CDIN1: variants seen among roughly 807,000 people sequenced by gnomAD.
CDIN1 encodes the protein CDAN1-interacting nuclease 1.
Under a neutral mutation model 45.3 loss-of-function variants are expected in CDIN1, and 33 were observed. The observed-to-expected ratio is 0.73, with a 90% CI of 0.55 to 0.97. The LOEUF is 0.97. Among genes scored for constraint, CDIN1 ranks in the 50% least tolerant of loss-of-function variants. The probability of loss-of-function intolerance (pLI) is 0.00; values close to 1 mark genes in which losing one functional copy is unlikely to be tolerated. For missense variants in CDIN1, 303 were observed against 339.4 expected (o/e 0.89, Z 0.84); for synonymous variants, 118 against 124.4 (o/e 0.95, Z 0.34).
intron 1 of CDIN1, among the ~76,000 whole-genome samples, chr15:36,638,101 TAA>T (rs2039973655): frequency 6.6e-6 from 1 of 152,182 alleles, no homozygotes; most frequent in Non-Finnish European, 1.5e-5. Context: ...TTATTTCCAA[TAA>T]AAATAATTTT....
At chr15:36,801,328 AT>A (rs1192273896) in intron 10 of CDIN1, among the ~76,000 whole-genome samples, 1 of 152,012 alleles carries the variant, frequency 6.6e-6, no homozygotes, top group Non-Finnish European at 1.5e-5. Context: ...ACCAAAAGAG[AT>A]GTAAAAGCAT....
intron 5 of CDIN1, among the ~76,000 whole-genome samples, chr15:36,658,750 T>C (rs1321492920): frequency 6.6e-6 from 1 of 152,244 alleles, no homozygotes. Flanking sequence ...AGATAATACC[T>C]GCTAAAACAT....
chr15:36,588,186 G>A (rs534325158), intron 1 of CDIN1, among the ~76,000 whole-genome samples: 4 of 152,190 alleles, frequency 2.6e-5, no homozygotes, highest in South Asian at 2.1e-4. Flanking sequence ...ATATTGTATC[G>A]TTAACAGAAA....
At chr15:36,734,306 T>G (rs1377995663) in intron 10 of CDIN1, 1 of 366,214 alleles carries the variant, frequency 2.7e-6, no homozygotes, top group East Asian at 7.5e-5. Flanking sequence ...CATGTACACT[T>G]TGTTCATCCT....
chr15:36,680,930 C>T (rs1312466030), intron 5 of CDIN1, among the ~76,000 whole-genome samples: 1 of 152,122 alleles, frequency 6.6e-6, no homozygotes, highest in Non-Finnish European at 1.5e-5. Flanking sequence ...ACTACGTTGT[C>T]ATGGTTAATT....
rs1019450993 is a variant in CDIN1 at position 36,754,111 on chromosome 15, T to C, written c.716+44150T>C. 5.3e-5 allele frequency among the ~76,000 whole-genome samples: 8 copies of C among 152,272 alleles called. No homozygotes were observed. In the South Asian group the frequency reaches 1.7e-3, roughly 32 times the overall value. On this transcript the variant is annotated intron_variant, in intron 10 of 10. Transcript: ENST00000566621. ...GTACAGACTTATGCGTGGGTATGCA[T>C]GTGTTTCTCTCTCCATTCCTTCCTC... is the stretch of plus-strand genomic sequence containing the variant.
At chr15:36,608,745 T>A (rs111829664) in intron 1 of CDIN1, among the ~76,000 whole-genome samples, 3 of 152,258 alleles carry the variant, frequency 2.0e-5, no homozygotes, top group African/African-American at 7.2e-5. Flanking sequence ...CACTCTTTAG[T>A]GAAGTTCTTA....
chr15:36,735,553 A>G (rs1464057820), intron 10 of CDIN1, among the ~76,000 whole-genome samples: 1 of 152,134 alleles, frequency 6.6e-6, no homozygotes, highest in Non-Finnish European at 1.5e-5. Flanking sequence ...AGACATACAT[A>G]TGTGCATATA....
chr15:36,651,672 G>A lies in CDIN1; in HGVS notation c.213-2426G>A, dbSNP rs539033784. Among the ~76,000 whole-genome samples, 4 of 152,166 alleles carry A rather than the reference G, an allele frequency of 2.6e-5. No homozygotes were observed. In the East Asian group the frequency reaches 7.7e-4, roughly 29 times the overall value. ...TGTGGCACCTCACTAGGCCTCGAGG[G>A]ATCAGGGTTCTATTTCAGGGTTCTA... On this transcript the variant is annotated intron_variant, in intron 3 of 10. Coordinates refer to ENST00000566621, the MANE Select transcript of CDIN1 (RefSeq NM_001321759.2).
At position 36,698,672 on chromosome 15, in the gene CDIN1, G is replaced by C. The variant is rs1450960739; in HGVS notation, c.544+1282G>C. 2.0e-5 allele frequency among the ~76,000 whole-genome samples: 3 copies of C among 152,156 alleles called. No homozygotes were observed. In the East Asian group the frequency reaches 5.8e-4, roughly 29 times the overall value. The stretch of plus-strand genomic sequence containing the variant: ...TGATTACTCAGATAGAGGCCTATAT[G>C]TCATGGCCAAGTCTATTTTTTGTTT... On this transcript the variant is annotated intron_variant, in intron 8 of 10. Transcript: ENST00000566621.
chr15:36,591,234 A>T (rs1480162367), intron 1 of CDIN1, among the ~76,000 whole-genome samples: 9 of 152,100 alleles, frequency 5.9e-5, no homozygotes, highest in Non-Finnish European at 8.8e-5. Context: ...GGCACTTTTT[A>T]AAAAAAATTT....
intron 10 of CDIN1, among the ~76,000 whole-genome samples, chr15:36,805,408 T>A (rs1213112508): frequency 6.6e-6 from 1 of 152,196 alleles, no homozygotes; most frequent in Non-Finnish European, 1.5e-5. Context: ...TTCTTTTCAA[T>A]GTTGTTAACA....
rs1003162158 is a variant in CDIN1 at position 36,608,811 on chromosome 15, T to TA, written c.101+28859dup. On this transcript the variant is annotated intron_variant, in intron 1 of 10. Coordinates refer to ENST00000566621, the MANE Select transcript of CDIN1 (RefSeq NM_001321759.2). ...TTTTTCTTTAAACAGTATGTTAAAT[T>TA]AAAAAAAAACTTGGCAAGCAATCTC... Among the ~76,000 whole-genome samples, 432 of 151,656 alleles carry TA rather than the reference T, an allele frequency of 2.8e-3. 2 individuals carry two copies. Among genetic ancestry groups the TA allele is most frequent in the African/African-American group, 1.0e-2 (412 of 41,402 alleles).
intron 10 of CDIN1, among the ~76,000 whole-genome samples, chr15:36,723,122 A>T (rs2140886927): frequency 6.6e-6 from 1 of 152,172 alleles, no homozygotes; most frequent in Non-Finnish European, 1.5e-5. Flanking sequence ...CTCACACAGG[A>T]TTGTACTAGC....
chr15:36,717,117 A>G (rs557253553), intron 10 of CDIN1, among the ~76,000 whole-genome samples: 1 of 152,312 alleles, frequency 6.6e-6, no homozygotes, highest in East Asian at 1.9e-4. Flanking sequence ...GAGAAAATGG[A>G]CCATTTGTTC....
intron 1 of CDIN1, among the ~76,000 whole-genome samples, chr15:36,608,302 G>A (rs1327686989): frequency 3.9e-5 from 6 of 152,140 alleles, no homozygotes; most frequent in Admixed American, 3.3e-4. Context: ...GAATGTATGA[G>A]GGTTTTAATT....
intron 1 of CDIN1, among the ~76,000 whole-genome samples, chr15:36,604,418 T>TACACACACACACACACACACACAC (rs144533313): frequency 2.3e-4 from 30 of 128,858 alleles, no homozygotes; most frequent in South Asian, 9.2e-4. Flanking sequence ...TTTTAAAAGG[T>TACACACACACACACACACACACAC]ACACACACAC....
intron 10 of CDIN1, among the ~76,000 whole-genome samples, chr15:36,789,627 A>G (rs1299924674): frequency 6.6e-6 from 1 of 152,208 alleles, no homozygotes; most frequent in East Asian, 1.9e-4. Flanking sequence ...ATTACAAAAT[A>G]GCTAGAAGAG....
chr15:36,622,082 C>G (rs2039222404), intron 1 of CDIN1, among the ~76,000 whole-genome samples: 2 of 152,186 alleles, frequency 1.3e-5, no homozygotes, highest in African/African-American at 4.8e-5. Flanking sequence ...GTGTGGAAAA[C>G]TTGAAGAGAA....
Sources: gnomAD v4.1 joint callset for allele counts (sites outside exome capture counted in the v4.1 genomes callset) on GRCh38, gnomAD v4.1.1 for gene constraint, MANE v1.5 for transcripts, NCBI Gene and HGNC (gene_info 2026-07-23, HGNC 2026-07-21) for gene names.